Variants in ADAM22 observed in about 807,000 individuals in gnomAD.
ADAM22 encodes the protein disintegrin and metalloproteinase domain-containing protein 22.
In ADAM22, 65 loss-of-function variants were observed where a neutral mutation model predicts 144.6. That is an observed-to-expected ratio of 0.45 (90% CI 0.37 to 0.55). ADAM22 has a LOEUF of 0.55. Ranked by LOEUF, ADAM22 falls within the 20% of genes least tolerant of loss-of-function variation. The pLI, the probability that ADAM22 is intolerant of heterozygous loss-of-function variation, is 0.00. For synonymous variants in ADAM22, 391 were observed against 412.6 expected, an observed-to-expected ratio of 0.95 and a Z score of 0.63; for missense variants, 974 against 1,184.9, an observed-to-expected ratio of 0.82 and a Z score of 2.61.
intron 21 of ADAM22, among the ~76,000 whole-genome samples, chr7:88,154,913 T>G (rs1289758862): frequency 6.6e-6 from 1 of 152,192 alleles, no homozygotes; most frequent in Non-Finnish European, 1.5e-5. Flanking sequence ...TCTTGCTGAC[T>G]TACTAATTAC....
intron 4 of ADAM22, among the ~76,000 whole-genome samples, chr7:88,078,679 C>G (rs769370856): frequency 3.2e-4 from 48 of 152,188 alleles, no homozygotes; most frequent in Non-Finnish European, 6.6e-4. Flanking sequence ...AAAACCATGG[C>G]ACGAGAACTG....
intron 3 of ADAM22, among the ~76,000 whole-genome samples, chr7:87,985,319 A>C (rs1788210713): frequency 6.6e-6 from 1 of 152,100 alleles, no homozygotes; most frequent in Non-Finnish European, 1.5e-5. Context: ...TCTCAAAAAA[A>C]AAAAAAGAAT....
Position 88,112,231 on chromosome 7 carries a change from C to G in ADAM22, c.474-2353C>G, listed in dbSNP as rs1826240355. 2.0e-5 allele frequency among the ~76,000 whole-genome samples: 3 copies of G among 152,134 alleles called. No homozygotes were observed. In the South Asian group the frequency reaches 6.2e-4, roughly 32 times the overall value. ...TTCCAAATAGAATGTCATCCAAATT[C>G]AGAAAGTACATGTGGCTGAAAACAG... On this transcript the variant is annotated intron_variant, in intron 5 of 31. Coordinates refer to ENST00000413139, the MANE Select transcript of ADAM22 (RefSeq NM_001324418.2).
At position 88,034,727 on chromosome 7, in the gene ADAM22, T is replaced by C. The variant is rs76341143; in HGVS notation, c.324-40899T>C. Among the ~76,000 whole-genome samples, 27 of 152,290 alleles carry C rather than the reference T, an allele frequency of 1.8e-4. No homozygotes were observed. In the East Asian group the frequency reaches 5.2e-3, roughly 29 times the overall value. On this transcript the variant is annotated intron_variant, in intron 3 of 31. Coordinates refer to ENST00000413139, the MANE Select transcript of ADAM22 (RefSeq NM_001324418.2). ...AAGTTCTGACCACTAGGATGGTCGA[T>C]TCCCCTTTGGCTAGGGCTCATTTAA...
intron 3 of ADAM22, among the ~76,000 whole-genome samples, chr7:88,059,424 T>C (rs1809151195): frequency 6.6e-6 from 1 of 152,206 alleles, no homozygotes; most frequent in African/African-American, 2.4e-5. Context: ...CTCAAAGCTA[T>C]AATAATATAT....
intron 3 of ADAM22, among the ~76,000 whole-genome samples, chr7:88,004,312 TA>T (rs769560978): frequency 2.0e-5 from 3 of 152,254 alleles, no homozygotes; most frequent in Non-Finnish European, 4.4e-5. Context: ...CATTTGCTTT[TA>T]GCATCTTTTG....
At chr7:88,106,554 C>T (rs1252803533) in intron 4 of ADAM22, among the ~76,000 whole-genome samples, 2 of 152,118 alleles carry the variant, frequency 1.3e-5, no homozygotes, top group African/African-American at 4.8e-5. Context: ...GTAACATTTG[C>T]GCCTTTAAAC....
At chr7:87,973,897 A>T (rs1851177072) in intron 2 of ADAM22, among the ~76,000 whole-genome samples, 1 of 151,912 alleles carries the variant, frequency 6.6e-6, no homozygotes, top group Non-Finnish European at 1.5e-5. Context: ...ATGAGAACAC[A>T]TGAACACAAG....
chr7:88,045,356 T>C (rs10282572), intron 3 of ADAM22, among the ~76,000 whole-genome samples: 74,613 of 151,906 alleles, frequency 0.49, 18,638 homozygotes, highest in East Asian at 0.63. Flanking sequence ...CTTTGTTAAT[T>C]CTTTCTATGT....
chr7:88,118,475 A>G (rs1190232317), intron 7 of ADAM22, among the ~76,000 whole-genome samples: 1 of 152,072 alleles, frequency 6.6e-6, no homozygotes, highest in African/African-American at 2.4e-5. Context: ...ACTTTTTAAA[A>G]TCCCTATTCT....
intron 3 of ADAM22, among the ~76,000 whole-genome samples, chr7:87,993,723 A>G (rs182412782): frequency 1.3e-5 from 2 of 152,290 alleles, no homozygotes; most frequent in Admixed American, 6.5e-5. Context: ...GGCTGGTTCT[A>G]TCCCCCTTCT....
intron 2 of ADAM22, among the ~76,000 whole-genome samples, chr7:87,946,619 A>G (rs1201134388): frequency 1.3e-5 from 2 of 152,202 alleles, no homozygotes; most frequent in Non-Finnish European, 2.9e-5. Flanking sequence ...TTCTTTCCCC[A>G]TGGCTTATTT....
intron 3 of ADAM22, among the ~76,000 whole-genome samples, chr7:88,016,456 G>A (rs1371845754): frequency 1.3e-5 from 2 of 152,152 alleles, no homozygotes; most frequent in African/African-American, 2.4e-5. Flanking sequence ...GTTCCTTTTA[G>A]TGGACAAATT....
intron 5 of ADAM22, 36 bp downstream of exon 5, chr7:88,108,294 T>C (rs772837157): frequency 2.6e-6 from 4 of 1,543,870 alleles, no homozygotes; most frequent in Non-Finnish European, 3.6e-6. Flanking sequence ...CTGTTTGTTT[T>C]TTCAATAATT....
chr7:88,104,492 A>G (rs1434387037), intron 4 of ADAM22, among the ~76,000 whole-genome samples: 1 of 151,770 alleles, frequency 6.6e-6, no homozygotes, highest in Admixed American at 6.6e-5. Context: ...CCACATGTGT[A>G]TTATTTTAAA....
chr7:88,010,993 G>C (rs919541284), intron 3 of ADAM22, among the ~76,000 whole-genome samples: 9 of 152,334 alleles, frequency 5.9e-5, no homozygotes, highest in Non-Finnish European at 7.3e-5. Flanking sequence ...GCTTTTTAAA[G>C]TATGTGATGG....
chr7:87,935,018 G>A lies in ADAM22; in HGVS notation c.86-8G>A. 6 of 1,614,140 alleles carry A rather than the reference G, an allele frequency of 3.7e-6. No homozygotes were observed. Among genetic ancestry groups the A allele is most frequent in the Non-Finnish European group, 4.2e-6 (5 of 1,180,014 alleles). On this transcript the variant is annotated splice_region_variant and splice_polypyrimidine_tract_variant and intron_variant, in intron 1 of 31. Transcript: ENST00000413139. ...TCCACTCCCTCCTTTCCCGGTTCCT[G>A]CCTGGAGGAGACGCCTCATTGATGG...
At chr7:88,071,391 A>ATTTTTTTTTTTTTTTTTTT (rs71297113) in intron 3 of ADAM22, among the ~76,000 whole-genome samples, 1 of 126,058 alleles carries the variant, frequency 7.9e-6, no homozygotes, top group African/African-American at 3.0e-5. Flanking sequence ...TTATGAAGTG[A>ATTTTTTTTTTTTTTTTTTT]TTTTTTTTTT....
rs1020121291 is a variant in ADAM22, at chr7:87,938,524, T to C, written c.246+3338T>C. Among the ~76,000 whole-genome samples, 6 of 152,124 alleles carry C rather than the reference T, an allele frequency of 3.9e-5. No homozygotes were observed. The South Asian group carries it at 8.3e-4, about 21-fold the overall frequency. On this transcript the variant is annotated intron_variant, in intron 2 of 31. Transcript: ENST00000413139. Reference sequence around the variant, plus strand: ...ATGAGCCACCATGCCTGGCCACCCATAGATATGTTTATCAACTTCCTTTCT... The same window carrying C: ...ATGAGCCACCATGCCTGGCCACCCACAGATATGTTTATCAACTTCCTTTCT...
Sources: gnomAD v4.1 joint callset for allele counts (sites outside exome capture counted in the v4.1 genomes callset) on GRCh38, gnomAD v4.1.1 for gene constraint, MANE v1.5 for transcripts, NCBI Gene and HGNC (gene_info 2026-07-23, HGNC 2026-07-21) for gene names.